The following ASAP2 variants were observed in gnomAD, a reference collection of about 807,000 sequenced individuals.
ASAP2 encodes the protein ArfGAP with SH3 domain, ankyrin repeat and PH domain 2.
ASAP2 carries 45 observed loss-of-function variants against 131.4 expected under a neutral mutation model. The observed-to-expected ratio is 0.34, with a 90% CI of 0.27 to 0.44. The LOEUF (loss-of-function observed/expected upper bound fraction) is 0.44. ASAP2 is among the 20% of genes least tolerant of loss of function. The pLI, the probability that ASAP2 is intolerant of heterozygous loss-of-function variation, is 1.00. For missense variants in ASAP2, 1,011 were observed against 1,297.0 expected (o/e 0.78, Z 3.39); for synonymous variants, 510 against 503.0 (o/e 1.01, Z -0.19).
chr2:9,235,668 C>G (rs979330710), intron 1 of ASAP2, among the ~76,000 whole-genome samples: 2 of 152,038 alleles, frequency 1.3e-5, no homozygotes, highest in East Asian at 3.9e-4. Context: ...GACCACGTCT[C>G]GGGGCCAGGA....
At chr2:9,384,169 AT>A (rs1472935070) in intron 20 of ASAP2, among the ~76,000 whole-genome samples, 2 of 152,236 alleles carry the variant, frequency 1.3e-5, no homozygotes, top group African/African-American at 4.8e-5. Flanking sequence ...TAATAAAAAA[AT>A]AAATTAATTA....
chr2:9,262,739 G>A (rs1320494393), intron 1 of ASAP2, among the ~76,000 whole-genome samples: 5 of 152,238 alleles, frequency 3.3e-5, no homozygotes, highest in African/African-American at 1.2e-4. Context: ...CTAGTGGACA[G>A]CAGTGGCAGC....
chr2:9,393,642 GC>G lies in ASAP2; in HGVS notation c.2681del (p.Pro894ArgfsTer9). 6.4e-7 allele frequency: 1 copy of G among 1,567,624 alleles called. No homozygotes were observed. Among genetic ancestry groups the G allele is most frequent in the Non-Finnish European group, 8.6e-7 (1 of 1,161,010 alleles). On this transcript the variant is annotated frameshift_variant, in exon 24 of 28. Transcript: ENST00000281419. LOFTEE classifies it high-confidence loss of function. ...GCCGCCTCCCGCAGAAGAAGCCTGC[GC>G]CGGGGTAAGCCACCCCCAGCCAGCT... ...PSRLPQKKPA[P>X]GADKSTPLTN... is the part of the protein sequence containing the mutation.
At chr2:9,378,469 G>C (rs796250637) in intron 18 of ASAP2, among the ~76,000 whole-genome samples, 9 of 152,366 alleles carry the variant, frequency 5.9e-5, no homozygotes, top group East Asian at 1.9e-4. Flanking sequence ...CTTTCCTGGA[G>C]GGAATATCAA....
intron 16 of ASAP2, among the ~76,000 whole-genome samples, chr2:9,373,528 C>T (rs1223497083): frequency 6.6e-6 from 1 of 152,236 alleles, no homozygotes; most frequent in Non-Finnish European, 1.5e-5. Context: ...TACTCCCTGC[C>T]TCCAGTGGCA....
At chr2:9,401,228 C>T (rs368558120) in intron 26 of ASAP2, 46 bp from the exon 27 acceptor site, 25 of 1,608,238 alleles carry the variant, frequency 1.6e-5, no homozygotes, top group African/African-American at 2.7e-5. Flanking sequence ...GCCCTGAGAG[C>T]TGAGGCCTGC....
At chr2:9,381,667 T>C (rs1674852732) in intron 20 of ASAP2, among the ~76,000 whole-genome samples, 1 of 151,812 alleles carries the variant, frequency 6.6e-6, no homozygotes, top group Admixed American at 6.6e-5. Context: ...AGACCAGGAG[T>C]TCAAAGCTAC....
At chr2:9,258,616 A>G (rs902727895) in intron 1 of ASAP2, among the ~76,000 whole-genome samples, 1 of 152,150 alleles carries the variant, frequency 6.6e-6, no homozygotes, top group Non-Finnish European at 1.5e-5. Flanking sequence ...CAGTCCCCAC[A>G]ACAAATGCAA....
chr2:9,293,000 G>T (rs189286759), intron 2 of ASAP2, among the ~76,000 whole-genome samples: 19 of 152,224 alleles, frequency 1.2e-4, no homozygotes, highest in African/African-American at 4.6e-4. Flanking sequence ...TGTGTGGCCC[G>T]TAGAGGGGGC....
intron 1 of ASAP2, among the ~76,000 whole-genome samples, chr2:9,209,646 T>C (rs1220486367): frequency 6.6e-6 from 1 of 152,260 alleles, no homozygotes; most frequent in Non-Finnish European, 1.5e-5. Context: ...CTTGGCTCAC[T>C]GCATCCTCTG....
At position 9,389,914 on chromosome 2, in the gene ASAP2, C is replaced by T. The variant is rs1382970889; in HGVS notation, c.2384-1148C>T. Among the ~76,000 whole-genome samples, 2 of 152,194 alleles carry T rather than the reference C, an allele frequency of 1.3e-5. No homozygotes were observed. The highest frequency in any genetic ancestry group is 1.9e-4 in the East Asian group (1 of 5,194). On this transcript the variant is annotated intron_variant, in intron 22 of 27. Coordinates refer to ENST00000281419, the MANE Select transcript of ASAP2 (RefSeq NM_003887.3). The surrounding 1 kb of genome is among the most constrained non-coding windows in gnomAD (Gnocchi z 4.7). ...CCCAGGGTGGGTGCGGCTTTCTCCCCGCCTCTCCCAGATCCTGCAGGCAGG... is the reference window on the plus strand; with the variant it reads ...CCCAGGGTGGGTGCGGCTTTCTCCCTGCCTCTCCCAGATCCTGCAGGCAGG...
At chr2:9,243,562 G>A (rs1418726452) in intron 1 of ASAP2, among the ~76,000 whole-genome samples, 2 of 152,160 alleles carry the variant, frequency 1.3e-5, no homozygotes, top group Non-Finnish European at 2.9e-5. Context: ...CAGATGAATT[G>A]TATTAAAATA....
chr2:9,354,834 A>G (rs1387061654), intron 12 of ASAP2, among the ~76,000 whole-genome samples: 1 of 152,092 alleles, frequency 6.6e-6, no homozygotes, highest in African/African-American at 2.4e-5. Context: ...TCAGGAGTAA[A>G]CACCACTACA....
chr2:9,212,475 C>G (rs1661638834), intron 1 of ASAP2, among the ~76,000 whole-genome samples: 1 of 152,150 alleles, frequency 6.6e-6, no homozygotes, highest in Admixed American at 6.5e-5. Context: ...GTACCTGCCT[C>G]CCTGCCTTAG....
chr2:9,316,969 C>CCCA (rs74862001), intron 3 of ASAP2, among the ~76,000 whole-genome samples: 3 of 140,110 alleles, frequency 2.1e-5, no homozygotes, highest in African/African-American at 8.2e-5. Flanking sequence ...ACACACCCCC[C>CCCA]GTCACACCCT....
chr2:9,334,064 T>C (rs919589485), intron 7 of ASAP2, among the ~76,000 whole-genome samples: 4 of 146,762 alleles, frequency 2.7e-5, no homozygotes, highest in African/African-American at 7.5e-5. Flanking sequence ...TTTTTTTTTT[T>C]TGGGAGACAG....
intron 10 of ASAP2, 21 bp downstream of exon 10, chr2:9,344,656 A>G (rs758915186): frequency 6.8e-6 from 11 of 1,613,236 alleles, no homozygotes; most frequent in Non-Finnish European, 8.5e-6. Context: ...GGGTGTGGCT[A>G]GAGTTTAAAT....
chr2:9,254,487 G>C (rs761912069), intron 1 of ASAP2, among the ~76,000 whole-genome samples: 72 of 144,846 alleles, frequency 5.0e-4, no homozygotes, highest in Non-Finnish European at 7.0e-4. Context: ...CAAGTAGCTG[G>C]GATTACAGGC....
chr2:9,327,869 A>T lies in ASAP2; in HGVS notation c.644A>T (p.Asp215Val). The change falls in exon 7 of 28, where the codon GAT becomes GTT. Residue 215 changes from aspartate (D) to valine (V), a missense_variant. By Grantham distance (152) the Asp-to-Val change is radical (BLOSUM62 -3). Coordinates refer to ENST00000281419, the MANE Select transcript of ASAP2 (RefSeq NM_003887.3). ...VNEIKIKKGV[D>V]LLQNLIKYFH... ...GAAATCAAGATTAAAAAGGGAGTAG[A>T]TTTACTTCAGAATCTGATCAAATAC... 6.3e-7 allele frequency: 1 copy of T among 1,583,804 alleles called. No homozygotes were observed. Among genetic ancestry groups the T allele is most frequent in the Non-Finnish European group, 8.5e-7 (1 of 1,169,850 alleles).
Sources: allele counts gnomAD v4.1 joint callset (sites outside exome capture counted in the v4.1 genomes callset), GRCh38; gene constraint gnomAD v4.1.1; non-coding constraint Gnocchi (gnomAD v3.1); transcripts MANE v1.5; gene names NCBI Gene and HGNC (gene_info 2026-07-23, HGNC 2026-07-21).